UBE2Q2: variants seen among roughly 807,000 people sequenced by gnomAD.
UBE2Q2 encodes ubiquitin-conjugating enzyme E2 Q2.
A neutral mutation model predicts 59.9 loss-of-function variants in UBE2Q2; 54 were observed. The ratio of observed to expected loss-of-function variants is 0.90; its 90% CI spans 0.72 to 1.13. UBE2Q2 has a LOEUF of 1.13. Ranked by LOEUF, UBE2Q2 falls within the 50% of genes most tolerant of loss-of-function variation. The pLI, the probability that UBE2Q2 is intolerant of heterozygous loss-of-function variation, is 0.00. For synonymous variants in UBE2Q2, 165 were observed against 155.2 expected (o/e 1.06, Z -0.47); for missense variants, 433 against 441.9 (o/e 0.98, Z 0.18).
chr15:75,854,086 C>T (rs930699184), intron 1 of UBE2Q2, among the ~76,000 whole-genome samples: 1 of 152,070 alleles, frequency 6.6e-6, no homozygotes, highest in African/African-American at 2.4e-5. Context: ...GGTCCAGGGG[C>T]GGGAATTTTA....
chr15:75,849,185 C>T (rs1318807350), intron 1 of UBE2Q2, among the ~76,000 whole-genome samples: 2 of 152,078 alleles, frequency 1.3e-5, no homozygotes, highest in Non-Finnish European at 2.9e-5. Context: ...CTTTTGTTGT[C>T]AGAGCAGTTA....
chr15:75,844,142 G>C (rs1013336332), intron 1 of UBE2Q2: 1 of 1,421,264 alleles, frequency 7.0e-7, no homozygotes, highest in African/African-American at 1.4e-5. Flanking sequence ...GGCGGCCCAA[G>C]CCCTTGTGGG....
chr15:75,869,222 C>G, intron 4 of UBE2Q2, among the ~76,000 whole-genome samples: 1 of 152,086 alleles, frequency 6.6e-6, no homozygotes. Flanking sequence ...ATTTGATTTC[C>G]TGGAAAACAA....
chr15:75,860,104 A>G (rs970408480), intron 3 of UBE2Q2, 122 bp downstream of exon 3: 5 of 742,502 alleles, frequency 6.7e-6, no homozygotes, highest in African/African-American at 5.5e-5. Context: ...TTTTGTTCCT[A>G]TTGAATTGTT....
chr15:75,871,222 A>G (rs568255624), intron 4 of UBE2Q2, among the ~76,000 whole-genome samples: 32 of 152,364 alleles, frequency 2.1e-4, no homozygotes, highest in Middle Eastern at 3.4e-3. Flanking sequence ...TGCTGCCCGC[A>G]TGTCCCACCT....
intron 1 of UBE2Q2, among the ~76,000 whole-genome samples, chr15:75,848,601 GAT>G (rs1354274776): frequency 6.6e-6 from 1 of 151,970 alleles, no homozygotes; most frequent in Admixed American, 6.6e-5. Flanking sequence ...GAAAGGAACA[GAT>G]ATATGAAGAG....
At chr15:75,899,342 GA>G in intron 12 of UBE2Q2, 84 bp from the exon 13 acceptor site, 1 of 754,568 alleles carries the variant, frequency 1.3e-6, no homozygotes. Flanking sequence ...ATTATGAAAA[GA>G]GACTGTAGCT....
At chr15:75,849,482 A>G (rs879263876) in intron 1 of UBE2Q2, among the ~76,000 whole-genome samples, 1 of 152,222 alleles carries the variant, frequency 6.6e-6, no homozygotes, top group African/African-American at 2.4e-5. Context: ...CAATGGTCTC[A>G]GTGGATTTAT....
At chr15:75,871,917 TACTC>T (rs752104041) in intron 4 of UBE2Q2, among the ~76,000 whole-genome samples, 65 of 152,318 alleles carry the variant, frequency 4.3e-4, no homozygotes, top group Non-Finnish European at 8.8e-5. Flanking sequence ...TGCTGATTAA[TACTC>T]AGAAAAAGAA....
intron 8 of UBE2Q2, 75 bp downstream of exon 8, chr15:75,879,263 T>C (rs1898261714): frequency 1.2e-6 from 1 of 865,224 alleles, no homozygotes; most frequent in African/African-American, 1.7e-5. Flanking sequence ...TGGAAAACAA[T>C]TTGGTAAAGT....
In UBE2Q2 at chr15:75,883,437, G is replaced by T. The variant is rs1288243944; in HGVS notation, c.884+13G>T. The stretch of plus-strand genomic sequence containing the variant: ...TTCTCTCAGGAGGGTAAGTTTAAGT[G>T]ACTACTTAAAAAGAAATTTTTTTCA... On this transcript the variant is annotated intron_variant, in intron 9 of 12. Coordinates refer to ENST00000267938, the MANE Select transcript of UBE2Q2 (RefSeq NM_173469.4). 1 of 1,600,686 alleles carries T rather than the reference G, an allele frequency of 6.2e-7. No homozygotes were observed. Among genetic ancestry groups the T allele is most frequent in the South Asian group, 1.1e-5 (1 of 88,260 alleles).
At chr15:75,859,840 T>C in intron 2 of UBE2Q2, 38 bp from the exon 3 acceptor site, 1 of 1,494,332 alleles carries the variant, frequency 6.7e-7, no homozygotes, top group East Asian at 2.3e-5. Flanking sequence ...CTAAGGGCTC[T>C]TTAACATAAT....
intron 2 of UBE2Q2, among the ~76,000 whole-genome samples, chr15:75,858,742 A>T (rs2141571130): frequency 6.6e-6 from 1 of 152,274 alleles, no homozygotes; most frequent in Non-Finnish European, 1.5e-5. Context: ...CTGTGTCCGG[A>T]TTGCTCTGCC....
At chr15:75,856,269 G>GTGTGTGTGTGTGTATA (rs1256142539) in intron 2 of UBE2Q2, among the ~76,000 whole-genome samples, 1 of 139,276 alleles carries the variant, frequency 7.2e-6, no homozygotes, top group African/African-American at 2.7e-5. Context: ...GTGTGTGTGT[G>GTGTGTGTGTGTGTATA]TATATATATA....
At chr15:75,873,226 C>G (rs1215061494) in intron 4 of UBE2Q2, among the ~76,000 whole-genome samples, 2 of 152,094 alleles carry the variant, frequency 1.3e-5, no homozygotes, top group Non-Finnish European at 2.9e-5. Context: ...TACCCAGAGT[C>G]TAGATTTTAA....
At chr15:75,895,726 A>G (rs1899380912) in intron 11 of UBE2Q2, among the ~76,000 whole-genome samples, 1 of 152,120 alleles carries the variant, frequency 6.6e-6, no homozygotes, top group Non-Finnish European at 1.5e-5. Context: ...GAAATCTACA[A>G]ATGTTTGAAG....
intron 9 of UBE2Q2, among the ~76,000 whole-genome samples, chr15:75,887,786 A>AACT (rs1898868753): frequency 6.6e-6 from 1 of 152,146 alleles, no homozygotes; most frequent in African/African-American, 2.4e-5. Context: ...AAGTGAGGAG[A>AACT]ACCTACATTG....
chr15:75,872,023 A>G (rs757821560), intron 4 of UBE2Q2, among the ~76,000 whole-genome samples: 1 of 152,152 alleles, frequency 6.6e-6, no homozygotes, highest in Non-Finnish European at 1.5e-5. Context: ...AACATGTAGG[A>G]TGGAAGATCA....
At chr15:75,847,897 G>T (rs1296733747) in intron 1 of UBE2Q2, among the ~76,000 whole-genome samples, 1 of 152,060 alleles carries the variant, frequency 6.6e-6, no homozygotes, top group African/African-American at 2.4e-5. Flanking sequence ...GCGTATAAGT[G>T]GCTGTTTGCT....
Sources: allele counts gnomAD v4.1 joint callset (sites outside exome capture counted in the v4.1 genomes callset), GRCh38; gene constraint gnomAD v4.1.1; transcripts MANE v1.5; gene names NCBI Gene and HGNC (gene_info 2026-07-23, HGNC 2026-07-21).